ROPN1B: variants seen among roughly 807,000 people sequenced by gnomAD.
ROPN1B encodes ropporin-1B.
Under a neutral mutation model 23.7 loss-of-function variants are expected in ROPN1B, and 13 were observed. That is an observed-to-expected ratio of 0.55 (90% CI 0.36 to 0.87). The LOEUF (loss-of-function observed/expected upper bound fraction) is 0.87, where lower values mean the gene tolerates loss of function less well. Ranked by LOEUF, ROPN1B falls within the 40% of genes least tolerant of loss-of-function variation. The pLI is 0.01. For synonymous variants in ROPN1B, 67 were observed against 100.4 expected (o/e 0.67, Z 1.99); for missense variants, 183 against 249.2 (o/e 0.73, Z 1.79).
rs900536867 is a variant in ROPN1B at position 125,976,017 on chromosome 3, T to C, written c.234+337T>C. ...CTTACTGATCAAGACCATAATATGA[T>C]GCCAATCACAGTTTGGGGAAGGGCA... is the stretch of plus-strand genomic sequence containing the variant. On this transcript the variant is annotated intron_variant, in intron 4 of 6. Coordinates refer to ENST00000514116, the MANE Select transcript of ROPN1B (RefSeq NM_001308313.2). Among the ~76,000 whole-genome samples the C allele has an allele frequency of 4.6e-5, 7 of 152,160 alleles. No homozygotes were observed. In the South Asian group the frequency reaches 8.3e-4, roughly 18 times the overall value.
chr3:125,972,267 C>T, intron 3 of ROPN1B, 97 bp downstream of exon 3: 2 of 1,121,326 alleles, frequency 1.8e-6, no homozygotes, highest in East Asian at 4.9e-5. Context: ...GCCAGGGGGT[C>T]GGGACTAACT....
At chr3:125,972,836 G>A (rs1938266731) in intron 3 of ROPN1B, 1 of 396,116 alleles carries the variant, frequency 2.5e-6, no homozygotes, top group Non-Finnish European at 5.0e-6. Flanking sequence ...GAGTGATGGG[G>A]TCCTCAGGCA....
rs1938230526 is a variant in ROPN1B, at chr3:125,972,092, A to G, written c.38A>G (p.Glu13Gly). Residue 13 changes from glutamate (E) to glycine (G), a missense_variant, in exon 3 of 7, where the codon GAG (glutamate) becomes GGG (glycine). Around this residue, in one of 3 missense-constraint regions of ROPN1B, gnomAD observed 97 missense variants for 99.6 expected, o/e 0.97. Coordinates refer to ENST00000514116, the MANE Select transcript of ROPN1B (RefSeq NM_001308313.2). ...QTDKPTCIPP[E>G]LPKMLKEFAK... ...GATAAGCCAACATGCATCCCGCCGG[A>G]GCTGCCGAAAATGCTGAAGGAGTTT... 1 of 1,614,104 alleles carries G rather than the reference A, an allele frequency of 6.2e-7. No individual in the cohort carries two copies. The highest frequency in any genetic ancestry group is 1.7e-5 in the Admixed American group (1 of 60,006).
At chr3:125,973,650 G>A (rs560528277) in intron 3 of ROPN1B, 14 of 153,630 alleles carry the variant, frequency 9.1e-5, no homozygotes, top group Middle Eastern at 3.4e-3. Context: ...GCTTGCTCTC[G>A]TATTGTATCA....
chr3:125,982,620 T>C (rs1441878427), intron 6 of ROPN1B, among the ~76,000 whole-genome samples, 175 bp downstream of exon 6: 2 of 152,030 alleles, frequency 1.3e-5, no homozygotes. Flanking sequence ...AAAAGAATGA[T>C]ATAGGACAAT....
chr3:125,979,838 A>G (rs897291332), intron 5 of ROPN1B, among the ~76,000 whole-genome samples: 8 of 152,206 alleles, frequency 5.3e-5, no homozygotes, highest in Non-Finnish European at 8.8e-5. Context: ...GGTAGGTAAT[A>G]GGTACATTTA....
chr3:125,983,321 CA>C lies in ROPN1B; in HGVS notation c.*2del. Reference sequence around the variant, plus strand: ...AAACCCCAGGGTTTGGCTGGAGTAACAGCACAATTTTGGCAATTTTAAAGGA... The same window carrying C: ...AAACCCCAGGGTTTGGCTGGAGTAACGCACAATTTTGGCAATTTTAAAGGA... On this transcript the variant is annotated 3_prime_UTR_variant, in exon 7 of 7. Transcript: ENST00000514116. The C allele has an allele frequency of 6.2e-7, 1 of 1,611,724 alleles. No homozygotes were observed. Among genetic ancestry groups the C allele is most frequent in the Non-Finnish European group, 8.5e-7 (1 of 1,178,006 alleles).
chr3:125,971,681 T>C (rs1446663578), intron 2 of ROPN1B, among the ~76,000 whole-genome samples: 2 of 152,236 alleles, frequency 1.3e-5, no homozygotes, highest in African/African-American at 4.8e-5. Flanking sequence ...TTTGAGTAAA[T>C]AAGCTGTTTT....
At chr3:125,972,459 G>C (rs1271815957) in intron 3 of ROPN1B, 1 of 511,106 alleles carries the variant, frequency 2.0e-6, no homozygotes, top group Admixed American at 3.4e-5. Context: ...CGTCACACCA[G>C]CGTATGCACA....
chr3:125,980,936 G>A (rs575189365), intron 5 of ROPN1B, among the ~76,000 whole-genome samples: 36 of 152,162 alleles, frequency 2.4e-4, no homozygotes, highest in Admixed American at 6.5e-4. Context: ...GAATTAAGTG[G>A]AAGTGCCTAG....
In ROPN1B at chr3:125,982,182, A is replaced by G. The variant is rs1387034673; in HGVS notation, c.397-88A>G. The G allele has an allele frequency of 1.1e-5, 12 of 1,127,640 alleles. No homozygotes were observed. The East Asian group carries it at 3.2e-4, about 30-fold the overall frequency. 69.9% of individuals were successfully genotyped at this position (1,127,640 alleles called of 1,614,324 possible). On this transcript the variant is annotated intron_variant, in intron 5 of 6. Transcript: ENST00000514116. ...TCCCACTTCATTTTATAAGAGCAAT[A>G]TTTTTGTTTTCTTTCTTGTATCTAA...
intron 3 of ROPN1B, chr3:125,972,553 T>C (rs960762914): frequency 2.3e-6 from 1 of 428,420 alleles, no homozygotes; most frequent in African/African-American, 2.0e-5. Context: ...CCTTTCTTCA[T>C]TCTCCTGTCT....
At chr3:125,978,971 A>C (rs1274796952) in intron 5 of ROPN1B, among the ~76,000 whole-genome samples, 1 of 152,214 alleles carries the variant, frequency 6.6e-6, no homozygotes, top group Non-Finnish European at 1.5e-5. Flanking sequence ...AGGGGAAATC[A>C]TGAGGTGAAT....
At chr3:125,973,305 G>A (rs58676015) in intron 3 of ROPN1B, 135,059 of 316,306 alleles carry the variant, frequency 0.43, 29,172 homozygotes, top group African/African-American at 0.48. Context: ...CTGGGCCAGT[G>A]TTGTGCTCCT....
intron 6 of ROPN1B, 40 bp downstream of exon 6, chr3:125,982,485 G>A: frequency 6.5e-7 from 1 of 1,543,048 alleles, no homozygotes; most frequent in Non-Finnish European, 8.8e-7. Flanking sequence ...AAGAATACCA[G>A]GAAAACAAAT....
chr3:125,976,102 T>C (rs963081211), intron 4 of ROPN1B, among the ~76,000 whole-genome samples: 2 of 152,306 alleles, frequency 1.3e-5, no homozygotes, highest in Admixed American at 6.5e-5. Flanking sequence ...AGGGAGAGGC[T>C]GTGAGCCTCT....
chr3:125,979,550 G>A (rs1000888964), intron 5 of ROPN1B, among the ~76,000 whole-genome samples: 1 of 152,146 alleles, frequency 6.6e-6, no homozygotes, highest in African/African-American at 2.4e-5. Context: ...CAAATCTGCT[G>A]GCACCTTGGT....
At chr3:125,976,265 T>C (rs1938410262) in intron 4 of ROPN1B, among the ~76,000 whole-genome samples, 1 of 152,206 alleles carries the variant, frequency 6.6e-6, no homozygotes, top group African/African-American at 2.4e-5. Context: ...TTTGGGGTGA[T>C]TTAGGACTGG....
At position 125,975,654 on chromosome 3, in the gene ROPN1B, G is replaced by A; in HGVS notation, c.208G>A (p.Glu70Lys). The A allele has an allele frequency of 6.2e-7, 1 of 1,613,950 alleles. No homozygotes were observed. Among genetic ancestry groups the A allele is most frequent in the Admixed American group, 1.7e-5 (1 of 60,008 alleles). ...ALCNWAELTP[E>K]LLKILHSQVA... is the part of the protein sequence containing the mutation. ...GTGTAACTGGGCAGAGCTAACACCT[G>A]AGCTGTTAAAGATCCTGCATTCTCA... is the stretch of plus-strand genomic sequence containing the variant. The change falls in exon 4 of 7, where the codon GAG becomes AAG. Residue 70 changes from glutamate to lysine, a missense_variant. By Grantham distance (56) the Glu-to-Lys change is moderately conservative (BLOSUM62 1). Coordinates refer to ENST00000514116, the MANE Select transcript of ROPN1B (RefSeq NM_001308313.2).
Sources: allele counts gnomAD v4.1 joint callset (sites outside exome capture counted in the v4.1 genomes callset), GRCh38; gene constraint gnomAD v4.1.1; regional missense constraint gnomAD v4.1.1; transcripts MANE v1.5; gene names NCBI Gene and HGNC (gene_info 2026-07-23, HGNC 2026-07-21).